Variants in ENPP1 observed in about 807,000 individuals in gnomAD.
ENPP1 encodes ectonucleotide pyrophosphatase/phosphodiesterase 1.
ENPP1 carries 73 observed loss-of-function variants against 122.8 expected under a neutral mutation model. The ratio of observed to expected loss-of-function variants is 0.59; its 90% CI spans 0.49 to 0.72. The LOEUF (loss-of-function observed/expected upper bound fraction) is 0.72. Among genes scored for constraint, ENPP1 ranks in the 30% least tolerant of loss-of-function variants. The probability of loss-of-function intolerance (pLI) is 0.00; values close to 1 mark genes in which losing one functional copy is unlikely to be tolerated. For synonymous variants in ENPP1, 367 were observed against 391.6 expected, an observed-to-expected ratio of 0.94 and a Z score of 0.74; for missense variants, 978 against 1,128.1, an observed-to-expected ratio of 0.87 and a Z score of 1.91.
intron 2 of ENPP1, 142 bp from the exon 3 acceptor site, chr6:131,849,848 T>G (rs1781858743): frequency 3.0e-6 from 2 of 665,724 alleles, no homozygotes; most frequent in Non-Finnish European, 5.4e-6. Flanking sequence ...TGAAAAGATT[T>G]TTGCCTTACT....
chr6:131,874,271 TC>T lies in ENPP1; in HGVS notation c.1572del (p.Ser525GlnfsTer48), dbSNP rs776449320. ...LDPQWQLALN[P>X]SERKYCGSGF... is the part of the protein sequence containing the mutation. ...AATTCATATATGTCAACATTAGGAA[TC>T]CCTCAGAAAGGAAATATTGTGGAAG... On this transcript the variant is annotated frameshift_variant, in exon 16 of 25. Transcript: ENST00000647893. LOFTEE classifies it high-confidence loss of function. 1 of 1,567,030 alleles carries T rather than the reference TC, an allele frequency of 6.4e-7. No homozygotes were observed. The highest frequency in any genetic ancestry group is 8.8e-7 in the Non-Finnish European group (1 of 1,138,364).
intron 8 of ENPP1, among the ~76,000 whole-genome samples, chr6:131,860,731 A>C (rs1782010880): frequency 1.3e-5 from 2 of 152,080 alleles, no homozygotes; most frequent in African/African-American, 4.8e-5. Context: ...TGTGCTGGGC[A>C]ATTTTTCTTT....
intron 1 of ENPP1, among the ~76,000 whole-genome samples, chr6:131,843,642 C>T (rs945034455): frequency 6.6e-6 from 1 of 150,544 alleles, no homozygotes. Context: ...ACCTTTCCCT[C>T]TCCCAGGGCA....
chr6:131,879,196 T>A (rs59650127), intron 19 of ENPP1, among the ~76,000 whole-genome samples: 82 of 152,314 alleles, frequency 5.4e-4, no homozygotes, highest in African/African-American at 1.9e-3. Flanking sequence ...AGGTAAATGC[T>A]GGAGTTAGGA....
rs760022209 is a variant in ENPP1, at chr6:131,869,423, A to G, written c.1339A>G (p.Ile447Val). 1.2e-6 allele frequency: 2 copies of G among 1,613,376 alleles called. No homozygotes were observed. The highest frequency in any genetic ancestry group is 2.2e-5 in the South Asian group (2 of 91,052). The change falls in exon 13 of 25, where the codon ATT (isoleucine) becomes GTT (valine). Residue 447 changes from isoleucine (I) to valine (V), a missense_variant. Ile to Val is a conservative substitution (Grantham distance 29). This residue lies in a region of ENPP1 where 644 missense variants were observed against 781.5 expected (regional missense o/e 0.82). Coordinates refer to ENST00000647893, the MANE Select transcript of ENPP1 (RefSeq NM_006208.3). The part of the protein sequence containing the change: ...LNKYLGDVKN[I>V]KVIYGPAARL... ...TAAATATTTGGGGGATGTTAAAAAT[A>G]TTAAAGTTATCTATGGACCTGCAGC...
At position 131,828,312 on chromosome 6, in the gene ENPP1, C is replaced by T. The variant is rs55720111; in HGVS notation, c.241-19464C>T. 3,371 of 511,706 alleles carry T rather than the reference C, an allele frequency of 6.6e-3. 112 individuals carry two copies. Among genetic ancestry groups the T allele is most frequent in the African/African-American group, 0.058 (2,992 of 51,284 alleles). The allele number at this position is 511,706 out of a possible 1,614,324, so 31.7% of individuals were successfully genotyped here. On this transcript the variant is annotated intron_variant, in intron 1 of 24. Coordinates refer to ENST00000647893, the MANE Select transcript of ENPP1 (RefSeq NM_006208.3). ...GCTCCAGCCAGCATGTCCACATGAT[C>T]AGCATGATGTAATACCAGAAGACAT...
At chr6:131,809,729 T>A (rs1197355655) in intron 1 of ENPP1, among the ~76,000 whole-genome samples, 1 of 152,256 alleles carries the variant, frequency 6.6e-6, no homozygotes. Flanking sequence ...CATTTCTACA[T>A]GCCTATAAAC....
intron 1 of ENPP1, among the ~76,000 whole-genome samples, chr6:131,816,811 T>C (rs1306196783): frequency 1.3e-5 from 2 of 152,202 alleles, no homozygotes; most frequent in East Asian, 1.9e-4. Flanking sequence ...GCATTTCCCA[T>C]ATATTTTTGA....
chr6:131,869,224 T>A lies in ENPP1; in HGVS notation c.1274-134T>A. The A allele has an allele frequency of 3.7e-6, 3 of 808,920 alleles. No homozygotes were observed. In the Admixed American group the frequency reaches 6.4e-5, roughly 17 times the overall value. The allele number at this position is 808,920 out of a possible 1,614,324, so 50.1% of individuals were successfully genotyped here. On this transcript the variant is annotated intron_variant, in intron 12 of 24. Transcript: ENST00000647893. ...TACAGCTGAAATTCTGTCTTACCTA[T>A]CAGATCTTCAACTAATATGAGTGCT...
intron 1 of ENPP1, among the ~76,000 whole-genome samples, chr6:131,816,283 G>A (rs1482157143): frequency 6.6e-6 from 1 of 151,840 alleles, no homozygotes; most frequent in Non-Finnish European, 1.5e-5. Flanking sequence ...AGACAACTTA[G>A]GAACAAATAA....
At position 131,885,666 on chromosome 6, in the gene ENPP1, C is replaced by T. The variant is rs999238305; in HGVS notation, c.2444+603C>T. Among the ~76,000 whole-genome samples the T allele has an allele frequency of 6.6e-5, 10 of 152,098 alleles. 1 individual carries two copies. The highest frequency in any genetic ancestry group is 4.6e-4 in the Admixed American group (7 of 15,240). On this transcript the variant is annotated intron_variant, in intron 23 of 24. Coordinates refer to ENST00000647893, the MANE Select transcript of ENPP1 (RefSeq NM_006208.3). ...TGGGAAGCAATTTTGCTGTTAAGTCCGTAGGAAAAAGACTGAGATTCCACT... is the reference window on the plus strand; with the variant it reads ...TGGGAAGCAATTTTGCTGTTAAGTCTGTAGGAAAAAGACTGAGATTCCACT...
In ENPP1 at chr6:131,883,686, CTT is replaced by C; in HGVS notation, c.2231-6_2231-5del. 7.8e-7 allele frequency: 1 copy of C among 1,277,178 alleles called. No individual in the cohort carries two copies. Among genetic ancestry groups the C allele is most frequent in the Non-Finnish European group, 1.1e-6 (1 of 874,606 alleles). 79.1% of individuals were successfully genotyped at this position (1,277,178 alleles called of 1,614,324 possible). A position where few individuals can be genotyped will look rare whatever the true frequency, so the allele number is the denominator to read the frequency against. On this transcript the variant is annotated splice_region_variant and splice_polypyrimidine_tract_variant and intron_variant, in intron 21 of 24. Coordinates refer to ENST00000647893, the MANE Select transcript of ENPP1 (RefSeq NM_006208.3). ...GAATGAAAAAGTTGTCCTCTTTTCT[CTT>C]TGTAGAACTAAATAAAAATTCAAGT...
rs554234531 is a variant in ENPP1 at position 131,839,537 on chromosome 6, T to C, written c.241-8239T>C. Among the ~76,000 whole-genome samples, 14 of 152,316 alleles carry C rather than the reference T, an allele frequency of 9.2e-5. No individual in the cohort carries two copies. In the East Asian group the frequency reaches 2.7e-3, roughly 29 times the overall value. ...AATGCCAGAATGAGGAAGAGTTTAC[T>C]CTGGGTCACTAATACCCACATTAGT... is the stretch of plus-strand genomic sequence containing the variant. On this transcript the variant is annotated intron_variant, in intron 1 of 24. Transcript: ENST00000647893.
Position 131,872,932 on chromosome 6 carries a change from C to A in ENPP1, c.1447C>A (p.Pro483Thr). 6.2e-7 allele frequency: 1 copy of A among 1,613,614 alleles called. No homozygotes were observed. The highest frequency in any genetic ancestry group is 8.5e-7 in the Non-Finnish European group (1 of 1,179,676). ...CTGTTTGCAATTTCAGTGCCGGGAACCAAACCAGCACTTCAAACCTTACCT... is the reference window on the plus strand; with the variant it reads ...CTGTTTGCAATTTCAGTGCCGGGAAACAAACCAGCACTTCAAACCTTACCT... Reference protein sequence around the residue: ...GIARNLSCREPNQHFKPYLKH... With the variant: ...GIARNLSCRETNQHFKPYLKH... The change falls in exon 15 of 25, where the codon CCA (proline) becomes ACA (threonine). Residue 483 changes from proline to threonine, a missense_variant. Pro to Thr is a conservative substitution (Grantham distance 38). Coordinates refer to ENST00000647893, the MANE Select transcript of ENPP1 (RefSeq NM_006208.3).
chr6:131,849,762 C>T (rs889756959), intron 2 of ENPP1, among the ~76,000 whole-genome samples: 7 of 152,046 alleles, frequency 4.6e-5, no homozygotes, highest in African/African-American at 1.7e-4. Context: ...TCTTTCTTTC[C>T]TACATCAGGA....
At chr6:131,883,297 G>A (rs978111552) in intron 21 of ENPP1, among the ~76,000 whole-genome samples, 1 of 152,190 alleles carries the variant, frequency 6.6e-6, no homozygotes, top group African/African-American at 2.4e-5. Context: ...CAGACATCCT[G>A]TGATGTTTTT....
intron 1 of ENPP1, among the ~76,000 whole-genome samples, chr6:131,819,087 G>T (rs181545136): frequency 2.6e-5 from 4 of 151,976 alleles, no homozygotes; most frequent in East Asian, 1.9e-4. Context: ...GAGGAATGTG[G>T]TTTTTTTTCA....
chr6:131,882,263 G>T, intron 20 of ENPP1, 82 bp from the exon 21 acceptor site: 2 of 1,151,724 alleles, frequency 1.7e-6, no homozygotes, highest in Non-Finnish European at 2.6e-6. Flanking sequence ...ATTTTATGAT[G>T]TAGTTCACCT....
intron 1 of ENPP1, among the ~76,000 whole-genome samples, chr6:131,847,482 G>T: frequency 6.6e-6 from 1 of 152,116 alleles, no homozygotes; most frequent in East Asian, 1.9e-4. Context: ...CTGGAAAAAA[G>T]AACAGCACCA....
Sources: allele counts gnomAD v4.1 joint callset (sites outside exome capture counted in the v4.1 genomes callset), GRCh38; gene constraint gnomAD v4.1.1; regional missense constraint gnomAD v4.1.1; transcripts MANE v1.5; gene names NCBI Gene and HGNC (gene_info 2026-07-23, HGNC 2026-07-21).